Variants in SPOCK3 observed in about 807,000 individuals in gnomAD.
SPOCK3 encodes SPARC (osteonectin), cwcv and kazal like domains proteoglycan 3.
SPOCK3 carries 30 observed loss-of-function variants against 56.6 expected under a neutral mutation model. That is an observed-to-expected ratio of 0.53 (90% CI 0.40 to 0.72). The LOEUF (loss-of-function observed/expected upper bound fraction) is 0.72. Ranked by LOEUF, SPOCK3 falls within the 30% of genes least tolerant of loss-of-function variation. SPOCK3 has a pLI of 0.00. For missense variants in SPOCK3, 527 were observed against 530.0 expected (o/e 0.99, Z 0.06); for synonymous variants, 196 against 183.3 (o/e 1.07, Z -0.56).
rs186602737 is a variant in SPOCK3 at position 167,062,732 on chromosome 4, G to A, written c.190-195C>T. ...GAGAAAAAGAATAGTTATCAAAAAGGAACACACTGTTTTCAAGTTACAGAA... is the reference window on the plus strand; with the variant it reads ...GAGAAAAAGAATAGTTATCAAAAAGAAACACACTGTTTTCAAGTTACAGAA... On this transcript the variant is annotated intron_variant, in intron 2 of 10. Coordinates refer to ENST00000357545, the MANE Select transcript of SPOCK3 (RefSeq NM_001040159.2). 3.2e-5 allele frequency: 17 copies of A among 528,184 alleles called. No homozygotes were observed. In the Admixed American group the frequency reaches 5.4e-4, roughly 17 times the overall value. 32.7% of individuals were successfully genotyped at this position (528,184 alleles called of 1,614,324 possible).
At chr4:167,166,808 C>G (rs761335189) in intron 2 of SPOCK3, among the ~76,000 whole-genome samples, 1 of 152,028 alleles carries the variant, frequency 6.6e-6, no homozygotes, top group Non-Finnish European at 1.5e-5. Flanking sequence ...TACCAAGGAG[C>G]CTTTTTGTAT....
intron 6 of SPOCK3, among the ~76,000 whole-genome samples, chr4:166,841,696 T>C (rs993776783): frequency 3.3e-5 from 5 of 152,192 alleles, no homozygotes; most frequent in African/African-American, 4.8e-5. Context: ...ATATTACAAA[T>C]CTTCCCCTGT....
intron 2 of SPOCK3, among the ~76,000 whole-genome samples, chr4:167,209,510 G>A (rs1292234901): frequency 6.6e-6 from 1 of 152,088 alleles, no homozygotes; most frequent in Non-Finnish European, 1.5e-5. Context: ...GAGGCTAGAA[G>A]AAAATCTTTC....
chr4:166,830,311 T>C (rs1356413513), intron 6 of SPOCK3, among the ~76,000 whole-genome samples: 1 of 152,232 alleles, frequency 6.6e-6, no homozygotes, highest in East Asian at 1.9e-4. Flanking sequence ...TTTTTAGGAC[T>C]CTGAATATAA....
chr4:166,843,108 G>A (rs765183378), intron 6 of SPOCK3, among the ~76,000 whole-genome samples: 1 of 152,212 alleles, frequency 6.6e-6, no homozygotes, highest in African/African-American at 2.4e-5. Context: ...CAGCCGCTCT[G>A]AGTGCGGGGC....
chr4:167,032,262 A>G (rs2150183106), intron 3 of SPOCK3, among the ~76,000 whole-genome samples: 1 of 152,104 alleles, frequency 6.6e-6, no homozygotes, highest in Admixed American at 6.6e-5. Flanking sequence ...CTCAGTATAA[A>G]GATGCTCAGT....
At chr4:166,959,139 G>A (rs1322152281) in intron 4 of SPOCK3, among the ~76,000 whole-genome samples, 1 of 152,172 alleles carries the variant, frequency 6.6e-6, no homozygotes, top group Non-Finnish European at 1.5e-5. Context: ...GCAGATGTGG[G>A]TTGCTCATTT....
At chr4:166,971,278 A>C (rs1745350439) in intron 4 of SPOCK3, among the ~76,000 whole-genome samples, 1 of 152,112 alleles carries the variant, frequency 6.6e-6, no homozygotes, top group Non-Finnish European at 1.5e-5. Flanking sequence ...TTTTCCCCCC[A>C]TGTTCCAATG....
intron 6 of SPOCK3, among the ~76,000 whole-genome samples, chr4:166,837,625 T>C (rs1172467953): frequency 6.6e-6 from 1 of 152,244 alleles, no homozygotes; most frequent in African/African-American, 2.4e-5. Flanking sequence ...TATAACGTCG[T>C]AAATATTTCT....
intron 2 of SPOCK3, among the ~76,000 whole-genome samples, chr4:167,085,989 T>C (rs1187063384): frequency 6.6e-6 from 1 of 152,072 alleles, no homozygotes; most frequent in Non-Finnish European, 1.5e-5. Context: ...GAATAAGATA[T>C]TTGACCTACT....
Position 167,008,945 on chromosome 4 carries a change from C to G in SPOCK3, c.236-8482G>C, listed in dbSNP as rs530294682. ...CTAGATGCTAAACCCCAGCATTACA[C>G]AGTACATCCATGTAATAACCTGCAC... On this transcript the variant is annotated intron_variant, in intron 3 of 10. Coordinates refer to ENST00000357545, the MANE Select transcript of SPOCK3 (RefSeq NM_001040159.2). 3.9e-5 allele frequency among the ~76,000 whole-genome samples: 6 copies of G among 152,184 alleles called. No homozygotes were observed. In the East Asian group the frequency reaches 7.7e-4, roughly 20 times the overall value.
chr4:167,147,637 G>A (rs1053472927), intron 2 of SPOCK3, among the ~76,000 whole-genome samples: 1 of 151,850 alleles, frequency 6.6e-6, no homozygotes, highest in Non-Finnish European at 1.5e-5. Flanking sequence ...GCCATAAAAA[G>A]GATGAGTTCA....
In SPOCK3 at chr4:167,035,831, G is replaced by A. The variant is rs144596207; in HGVS notation, c.235+26661C>T. Among the ~76,000 whole-genome samples the A allele has an allele frequency of 3.2e-4, 49 of 152,238 alleles. No individual in the cohort carries two copies. In the East Asian group the frequency reaches 8.7e-3, roughly 27 times the overall value. On this transcript the variant is annotated intron_variant, in intron 3 of 10. Transcript: ENST00000357545. ...CCAGTTAAAACCTGCTAACTTATGT[G>A]CCTACTATCAGGAGTTCCACAATTA... is the stretch of plus-strand genomic sequence containing the variant.
chr4:167,205,307 TTATATATTTTATATATATAA>T (rs1734005408), intron 2 of SPOCK3, among the ~76,000 whole-genome samples: 1 of 39,654 alleles, frequency 2.5e-5, no homozygotes, highest in African/African-American at 9.0e-5. Flanking sequence ...ATAATATATA[TTATATATTTTATATATATAA>T]TATATATTAT....
intron 5 of SPOCK3, among the ~76,000 whole-genome samples, chr4:166,902,770 A>G (rs1316538121): frequency 6.6e-6 from 1 of 151,454 alleles, no homozygotes; most frequent in African/African-American, 2.4e-5. Flanking sequence ...TATTGACTTA[A>G]TTTTTAATTA....
intron 4 of SPOCK3, among the ~76,000 whole-genome samples, chr4:166,969,800 C>G (rs1462269547): frequency 6.6e-6 from 1 of 152,118 alleles, no homozygotes; most frequent in African/African-American, 2.4e-5. Flanking sequence ...ACCAGTCATT[C>G]CATCAAAGCC....
intron 2 of SPOCK3, among the ~76,000 whole-genome samples, chr4:167,064,054 T>C (rs146832717): frequency 7.8e-4 from 119 of 151,996 alleles, no homozygotes; most frequent in African/African-American, 2.9e-3. Context: ...CTCCACTGTA[T>C]AAGGAAGAAA....
intron 2 of SPOCK3, among the ~76,000 whole-genome samples, chr4:167,218,624 T>C (rs28521481): frequency 0.17 from 25,179 of 152,120 alleles, 2,437 homozygotes; most frequent in African/African-American, 0.25. Flanking sequence ...TTAATATATT[T>C]TAGTCCCTAA....
At chr4:167,191,489 G>A (rs1277853482) in intron 2 of SPOCK3, among the ~76,000 whole-genome samples, 1 of 145,450 alleles carries the variant, frequency 6.9e-6, no homozygotes, top group African/African-American at 2.6e-5. Context: ...TTAGTTTTCA[G>A]TGTATGGATT....
Sources: gnomAD v4.1 joint callset for allele counts (sites outside exome capture counted in the v4.1 genomes callset) on GRCh38, gnomAD v4.1.1 for gene constraint, MANE v1.5 for transcripts, NCBI Gene and HGNC (gene_info 2026-07-23, HGNC 2026-07-21) for gene names.